PCSK7: variants seen among roughly 807,000 people sequenced by gnomAD.
PCSK7 encodes proprotein convertase subtilisin/kexin type 7.
PCSK7 carries 38 observed loss-of-function variants against 73.3 expected under a neutral mutation model. That is an observed-to-expected ratio of 0.52 (90% CI 0.40 to 0.68). The LOEUF (loss-of-function observed/expected upper bound fraction) is 0.68. Ranked by LOEUF, PCSK7 falls within the 30% of genes least tolerant of loss-of-function variation. The pLI is 0.00. For synonymous variants in PCSK7, 296 were observed against 383.8 expected (o/e 0.77, Z 2.68); for missense variants, 692 against 991.5 (o/e 0.70, Z 4.06).
chr11:117,222,859 C>CCAGTTCGCCA (rs762322235), intron 9 of PCSK7: 57 of 192,672 alleles, frequency 3.0e-4, no homozygotes, highest in Non-Finnish European at 4.4e-4. Flanking sequence ...GTTGGCCAGG[C>CCAGTTCGCCA]TGGTCTTGAA....
At chr11:117,216,183 C>T (rs921133774) in intron 12 of PCSK7, 1 of 152,190 alleles carries the variant, frequency 6.6e-6, no homozygotes, top group Non-Finnish European at 1.5e-5. Context: ...CTAGTGACCA[C>T]TGAACTGAGC....
At chr11:117,229,326 C>T (rs556027747) in intron 3 of PCSK7, 51 bp downstream of exon 3, 3 of 1,374,876 alleles carry the variant, frequency 2.2e-6, no homozygotes, top group South Asian at 2.5e-5. Context: ...CATTAAAGAA[C>T]TGGACTGGAA....
chr11:117,225,019 C>A, intron 6 of PCSK7: 2 of 384,328 alleles, frequency 5.2e-6, no homozygotes, highest in Non-Finnish European at 4.8e-6. Context: ...ACAGAGGTCA[C>A]TCATCTCCTG....
chr11:117,215,500 A>C (rs982642981), intron 12 of PCSK7: 1 of 148,204 alleles, frequency 6.7e-6, no homozygotes, highest in Middle Eastern at 3.2e-3. Context: ...TCCCTGGTTC[A>C]CGCCATTCTC....
At chr11:117,229,280 G>T in intron 3 of PCSK7, 97 bp downstream of exon 3, 1 of 928,970 alleles carries the variant, frequency 1.1e-6, no homozygotes, top group Non-Finnish European at 1.7e-6. Flanking sequence ...TCAGGCAAAG[G>T]ATGGAGGTGA....
rs565807334 is a variant in PCSK7 at position 117,223,316 on chromosome 11, C to T, written c.1055-8G>A. On this transcript the variant is annotated splice_region_variant and splice_polypyrimidine_tract_variant and intron_variant, in intron 8 of 16. Transcript: ENST00000320934. ...CCTCCTCATCCACAGCTCCTAGGGA[C>T]AGAGGAGGGAGATTAGAGCTGAGAT... 3.6e-5 allele frequency: 56 copies of T among 1,560,086 alleles called. No homozygotes were observed. In the South Asian group the frequency reaches 6.0e-4, roughly 17 times the overall value.
At position 117,218,383 on chromosome 11, in the gene PCSK7, G is replaced by T; in HGVS notation, c.1534+83C>A. On this transcript the variant is annotated intron_variant, in intron 12 of 16. Transcript: ENST00000320934. The surrounding 1 kb of genome is among the most constrained non-coding windows in gnomAD (Gnocchi z 4.0). ...CAGCTCCGAAAGGGGGTAGAATCTG[G>T]CAGGGAGGACGAGTTTAACTTCCTT... 1.4e-6 allele frequency: 1 copy of T among 698,526 alleles called. No homozygotes were observed. Among genetic ancestry groups the T allele is most frequent in the Non-Finnish European group, 2.4e-6 (1 of 422,614 alleles). 43.3% of individuals were successfully genotyped at this position (698,526 alleles called of 1,614,324 possible). A position where few individuals can be genotyped will look rare whatever the true frequency, so the allele number is the denominator to read the frequency against.
Position 117,205,741 on chromosome 11 carries a change from C to CA in PCSK7, c.*255dup, listed in dbSNP as rs1373176283. The CA allele has an allele frequency of 5.1e-6, 2 of 388,754 alleles. No homozygotes were observed. Among genetic ancestry groups the CA allele is most frequent in the East Asian group, 7.8e-5 (2 of 25,712 alleles). 24.1% of individuals were successfully genotyped at this position (388,754 alleles called of 1,614,324 possible). A position where few individuals can be genotyped will look rare whatever the true frequency, so the allele number is the denominator to read the frequency against. On this transcript the variant is annotated 3_prime_UTR_variant, in exon 17 of 17. Transcript: ENST00000320934. ...AGAGAGATGAGGATGGAGGCCAAAC[C>CA]AAAGGGGGGCGCCAATCCCCTGTCC...
chr11:117,208,973 G>A lies in PCSK7; in HGVS notation c.1615C>T (p.Arg539Cys), dbSNP rs371770581. ...AVTVSITHPR[R>C]GSLELKLFCP... ...AACAGCTTCAGCTCCAAGCTGCCGC[G>A]CCGTGGGTGAGTGATGGAGACTGTC... The change falls in exon 13 of 17, where the codon CGC becomes TGC. Residue 539 changes from arginine to cysteine, a missense_variant. Arg to Cys is a radical substitution (Grantham distance 180). This residue lies in a region of PCSK7 where 8 missense variants were observed against 48.2 expected (regional missense o/e 0.17). Coordinates refer to ENST00000320934, the MANE Select transcript of PCSK7 (RefSeq NM_004716.4). The A allele has an allele frequency of 1.2e-5, 19 of 1,611,476 alleles. No individual in the cohort carries two copies. The highest frequency in any genetic ancestry group is 1.4e-5 in the Non-Finnish European group (17 of 1,179,550).
intron 1 of PCSK7, among the ~76,000 whole-genome samples, chr11:117,231,623 T>C (rs1212535077): frequency 2.0e-5 from 3 of 152,202 alleles, no homozygotes; most frequent in South Asian, 2.1e-4. Flanking sequence ...GAACCTTAAA[T>C]GCCTTCTGAA....
Position 117,218,511 on chromosome 11 carries a change from T to G in PCSK7, c.1489A>C (p.Lys497Gln). The G allele has an allele frequency of 6.2e-7, 1 of 1,610,860 alleles. No homozygotes were observed. ...SYVSPVLKEN[K>Q]AIPQSPRSLE... ...GAACGGGGGGACTGCGGAATCGCCT[T>G]GTTTTCTTTTAACACGGGACTGACG... The change falls in exon 12 of 17, where the codon AAG (lysine) becomes CAG (glutamine). Residue 497 changes from lysine (K) to glutamine (Q), a missense_variant. Transcript: ENST00000320934. This position sits in a 1 kb window ranked among gnomAD's most constrained non-coding sequence, Gnocchi z 4.0.
Position 117,229,725 on chromosome 11 carries a change from C to T in PCSK7, c.120G>A (p.Gly40=). Residue 40 remains glycine (G), a synonymous_variant, in exon 3 of 17, where the codon GGG becomes GGA. Transcript: ENST00000320934. ...LLVPWVMGLA[G]TGGPDGQGTG... is the part of the protein sequence containing the mutation. Reference sequence around the variant, plus strand: ...TGCCCTGGCCATCAGGCCCACCTGTCCCTGCCAGGCCCATGACCCAGGGAA... The same window carrying T: ...TGCCCTGGCCATCAGGCCCACCTGTTCCTGCCAGGCCCATGACCCAGGGAA... The T allele has an allele frequency of 1.2e-6, 2 of 1,614,024 alleles. No homozygotes were observed. Among genetic ancestry groups the T allele is most frequent in the Non-Finnish European group, 1.7e-6 (2 of 1,179,926 alleles).
intron 8 of PCSK7, 144 bp from the exon 9 acceptor site, chr11:117,223,452 A>G: frequency 1.6e-6 from 1 of 639,740 alleles, no homozygotes. Flanking sequence ...CGTCCCTCAG[A>G]GCAGTCCTGA....
intron 1 of PCSK7, among the ~76,000 whole-genome samples, chr11:117,230,845 G>A (rs749151993): frequency 2.0e-5 from 3 of 152,108 alleles, no homozygotes; most frequent in Non-Finnish European, 4.4e-5. Context: ...CGGCGGGGGC[G>A]AAACGGGGAA....
intron 10 of PCSK7, 93 bp from the exon 11 acceptor site, chr11:117,219,257 C>A: frequency 8.0e-6 from 7 of 880,278 alleles, no homozygotes; most frequent in Middle Eastern, 2.2e-4. Flanking sequence ...GCTGGCTGAT[C>A]CAGTCCACGC....
chr11:117,219,342 A>C (rs1278706299), intron 10 of PCSK7, 178 bp from the exon 11 acceptor site: 3 of 632,878 alleles, frequency 4.7e-6, no homozygotes, highest in Non-Finnish European at 8.2e-6. Flanking sequence ...TGATGTCACC[A>C]CCCCACTGGC....
intron 9 of PCSK7, chr11:117,222,737 C>G (rs571077854): frequency 6.4e-6 from 1 of 155,768 alleles, no homozygotes; most frequent in Non-Finnish European, 1.4e-5. Flanking sequence ...ACCTCCGCCT[C>G]CTTGTTTCAA....
intron 2 of PCSK7, 80 bp downstream of exon 2, chr11:117,230,269 G>A (rs2032593458): frequency 6.1e-6 from 1 of 164,228 alleles, no homozygotes; most frequent in South Asian, 1.8e-4. Context: ...CATTTAGAGG[G>A]GACATAAATC....
Position 117,218,544 on chromosome 11 carries a change from CTAAG to C in PCSK7, c.1452_1455del (p.Tyr484Ter), listed in dbSNP as rs751386432. 2.5e-6 allele frequency: 4 copies of C among 1,607,260 alleles called. No homozygotes were observed. Among genetic ancestry groups the C allele is most frequent in the African/African-American group, 1.3e-5 (1 of 74,656 alleles). On this transcript the variant is annotated frameshift_variant, in exon 12 of 17. Transcript: ENST00000320934. LOFTEE classifies it high-confidence loss of function. The surrounding 1 kb of genome is among the most constrained non-coding windows in gnomAD (Gnocchi z 4.0). Reference sequence around the variant, plus strand: ...TTTAACACGGGACTGACGTAGGATGCTAAGTAAGGGACAGATGTCCAGATCTATG... The same window carrying C: ...TTTAACACGGGACTGACGTAGGATGCTAAGGGACAGATGTCCAGATCTATG...
Sources: allele counts gnomAD v4.1 joint callset (sites outside exome capture counted in the v4.1 genomes callset), GRCh38; gene constraint gnomAD v4.1.1; regional missense constraint gnomAD v4.1.1; non-coding constraint Gnocchi (gnomAD v3.1); transcripts MANE v1.5; gene names NCBI Gene and HGNC (gene_info 2026-07-23, HGNC 2026-07-21).